The following PXN variants were observed in gnomAD, a reference collection of about 807,000 sequenced individuals.
PXN encodes the protein testicular tissue protein Li 134.
A neutral mutation model predicts 103.6 loss-of-function variants in PXN; 61 were observed. That is an observed-to-expected ratio of 0.59 (90% CI 0.48 to 0.73). The LOEUF is 0.73. PXN is among the 30% of genes least tolerant of loss of function. PXN has a pLI of 0.00. For missense variants in PXN, 1,274 were observed against 1,460.3 expected, an observed-to-expected ratio of 0.87 and a Z score of 2.08; for synonymous variants, 562 against 607.8, an observed-to-expected ratio of 0.92 and a Z score of 1.11.
Position 120,212,146 on chromosome 12 carries a change from G to A in PXN, c.*168C>T. On this transcript the variant is annotated 3_prime_UTR_variant, in exon 15 of 15. Coordinates refer to ENST00000637617, the MANE Select transcript of PXN (RefSeq NM_001385981.1). The surrounding 1 kb of genome is among the most constrained non-coding windows in gnomAD (Gnocchi z 7.2). The stretch of plus-strand genomic sequence containing the variant: ...GCCCAGAGGCTCTGGCAGGGGTGAA[G>A]ACAAGCAGGGGGACCCCTCACGGCC... 9.7e-7 allele frequency: 1 copy of A among 1,036,044 alleles called. No homozygotes were observed. The highest frequency in any genetic ancestry group is 1.4e-6 in the Non-Finnish European group (1 of 691,040). 64.2% of individuals were successfully genotyped at this position (1,036,044 alleles called of 1,614,324 possible). A position where few individuals can be genotyped will look rare whatever the true frequency, so the allele number is the denominator to read the frequency against.
chr12:120,222,732 G>A lies in PXN; in HGVS notation c.512C>T (p.Pro171Leu), dbSNP rs751530020. The A allele has an allele frequency of 1.2e-6, 2 of 1,607,200 alleles. No individual in the cohort carries two copies. Among genetic ancestry groups the A allele is most frequent in the Admixed American group, 3.4e-5 (2 of 58,636 alleles). The change falls in exon 5 of 15, where the codon CCC becomes CTC. Residue 171 changes from proline (P) to leucine (L), a missense_variant. Pro to Leu is a moderately conservative substitution (Grantham distance 98). Transcript: ENST00000637617. This position sits in a 1 kb window ranked among gnomAD's most constrained non-coding sequence, Gnocchi z 4.7. ...GFPADEANSS[P>L]PLPGALSPLY... The stretch of plus-strand genomic sequence containing the variant: ...GGGGCTCAGGGCCCCAGGAAGCGGG[G>A]GGCTTGAGTTGGCCTCATCTTGCAG...
chr12:120,238,632 A>G (rs1889569939), intron 1 of PXN, among the ~76,000 whole-genome samples: 1 of 152,252 alleles, frequency 6.6e-6, no homozygotes, highest in African/African-American at 2.4e-5. Flanking sequence ...CCCCATGTAC[A>G]CACGTGGAGC....
intron 1 of PXN, among the ~76,000 whole-genome samples, chr12:120,236,164 G>A (rs1888994650): frequency 6.6e-6 from 1 of 152,222 alleles, no homozygotes; most frequent in East Asian, 1.9e-4. Flanking sequence ...GGGCACAAGA[G>A]GGCTGCAGAG....
intron 1 of PXN, among the ~76,000 whole-genome samples, chr12:120,260,963 C>T (rs1198247716): frequency 2.6e-5 from 4 of 152,230 alleles, no homozygotes; most frequent in African/African-American, 4.8e-5. Flanking sequence ...TCCCGCTCAG[C>T]AGCCAGACCA....
rs1170697260 is a variant in PXN at position 120,229,045 on chromosome 12, G to A, written c.14-4668C>T. On this transcript the variant is annotated intron_variant, in intron 1 of 14. Transcript: ENST00000637617. This position sits in a 1 kb window ranked among gnomAD's most constrained non-coding sequence, Gnocchi z 4.0. ...CCTCAGCCCACTGCTCCGAGGAGGA[G>A]GGGACCGGTTCGCCTGCATTCCAGG... Among the ~76,000 whole-genome samples, 1 of 152,182 alleles carries A rather than the reference G, an allele frequency of 6.6e-6. No homozygotes were observed. The highest frequency in any genetic ancestry group is 2.4e-5 in the African/African-American group (1 of 41,440).
At chr12:120,259,848 C>T (rs1893591481) in intron 1 of PXN, among the ~76,000 whole-genome samples, 1 of 152,228 alleles carries the variant, frequency 6.6e-6, no homozygotes, top group Non-Finnish European at 1.5e-5. Context: ...GCTTTGTGAA[C>T]ATTTCTGAGA....
rs1418437398 is a variant in PXN, at chr12:120,213,303, T to G, written c.2979+539A>C. ...GCTGAGGCGGGAGAATCACTGGAAC[T>G]CAGCAGGCAGAGGTTGCAGTCAGCC... On this transcript the variant is annotated intron_variant, in intron 14 of 14. Transcript: ENST00000637617. This position sits in a 1 kb window ranked among gnomAD's most constrained non-coding sequence, Gnocchi z 4.2. Among the ~76,000 whole-genome samples the G allele has an allele frequency of 6.6e-6, 1 of 152,058 alleles. No homozygotes were observed. Among genetic ancestry groups the G allele is most frequent in the East Asian group, 1.9e-4 (1 of 5,174 alleles).
Position 120,224,199 on chromosome 12 carries a change from G to A in PXN, c.192C>T (p.Asp64=). ...SSEALNGTIL[D]PLDQWQPSSS... is the part of the protein sequence containing the mutation. ...TGCTGGGCTGCCACTGGTCTAAGGG[G>A]TCAAGGATTGTGCCATTGAGGGCCT... Residue 64 remains aspartate, a synonymous_variant, in exon 2 of 15, where the codon GAC becomes GAT. Transcript: ENST00000637617. The surrounding 1 kb of genome is among the most constrained non-coding windows in gnomAD (Gnocchi z 5.0). The A allele has an allele frequency of 6.2e-7, 1 of 1,610,092 alleles. No homozygotes were observed. The highest frequency in any genetic ancestry group is 2.2e-5 in the East Asian group (1 of 44,760).
chr12:120,219,438 C>T lies in PXN; in HGVS notation c.1485G>A (p.Glu495=). The stretch of plus-strand genomic sequence containing the variant: ...GGGAGCTGCTTCCCAGCCTCCCTGG[C>T]TCTGGCCTTGGCCTCTCCTGCTGTA... ...HGLQQERPRP[E]PGRLGSSSPA... is the part of the protein sequence containing the mutation. Residue 495 remains glutamate (E), a synonymous_variant, in exon 7 of 15, where the codon GAG becomes GAA. Coordinates refer to ENST00000637617, the MANE Select transcript of PXN (RefSeq NM_001385981.1). This position sits in a 1 kb window ranked among gnomAD's most constrained non-coding sequence, Gnocchi z 6.5. The T allele has an allele frequency of 6.3e-7, 1 of 1,598,166 alleles. No individual in the cohort carries two copies. Among genetic ancestry groups the T allele is most frequent in the Non-Finnish European group, 8.5e-7 (1 of 1,179,580 alleles).
intron 1 of PXN, among the ~76,000 whole-genome samples, chr12:120,236,672 T>A (rs984583241): frequency 2.0e-5 from 3 of 152,066 alleles, no homozygotes; most frequent in Non-Finnish European, 4.4e-5. Context: ...AGACAAGGTT[T>A]CACCATCTTG....
At position 120,265,557 on chromosome 12, in the gene PXN, C is replaced by A; in HGVS notation, c.13+60G>T. 6.8e-7 allele frequency: 1 copy of A among 1,473,358 alleles called. No individual in the cohort carries two copies. The highest frequency in any genetic ancestry group is 1.3e-5 in the South Asian group (1 of 77,758). 91.3% of individuals were successfully genotyped at this position (1,473,358 alleles called of 1,614,324 possible). On this transcript the variant is annotated intron_variant, in intron 1 of 14. Coordinates refer to ENST00000637617, the MANE Select transcript of PXN (RefSeq NM_001385981.1). This position sits in a 1 kb window ranked among gnomAD's most constrained non-coding sequence, Gnocchi z 5.7. ...GCGGCCCCTGCCGCTCGCTGGCGCC[C>A]TCCTGGCCCCAAGCTGCGCGCCTCT...
chr12:120,224,653 C>T lies in PXN; in HGVS notation c.14-276G>A, dbSNP rs1442611284. ...TGTGGGATCTCCTACCTCTGGGAGT[C>T]AGGCACCTGGCACTGCGTTCCCTCC... On this transcript the variant is annotated intron_variant, in intron 1 of 14. Transcript: ENST00000637617. This position sits in a 1 kb window ranked among gnomAD's most constrained non-coding sequence, Gnocchi z 5.0. The T allele has an allele frequency of 1.5e-6, 1 of 658,464 alleles. No homozygotes were observed. Among genetic ancestry groups the T allele is most frequent in the Non-Finnish European group, 2.8e-6 (1 of 357,294 alleles). The allele number at this position is 658,464 out of a possible 1,614,324, so 40.8% of individuals were successfully genotyped here.
chr12:120,219,538 GT>G lies in PXN; in HGVS notation c.1384del (p.Thr462GlnfsTer5). 6.3e-7 allele frequency: 1 copy of G among 1,589,184 alleles called. No homozygotes were observed. The highest frequency in any genetic ancestry group is 2.2e-5 in the East Asian group (1 of 44,502). The part of the protein sequence containing the change: ...SGAARSFQEV[T>X]EPAVVAVDRQ... ...GTCCACTGCCACTACAGCTGGCTCT[GT>G]TACTTCTTGGAAGCTTCGAGCAGCT... is the stretch of plus-strand genomic sequence containing the variant. On this transcript the variant is annotated frameshift_variant, in exon 7 of 15. Transcript: ENST00000637617. LOFTEE classifies it high-confidence loss of function. This position sits in a 1 kb window ranked among gnomAD's most constrained non-coding sequence, Gnocchi z 6.5.
rs568565548 is a variant in PXN at position 120,254,693 on chromosome 12, G to C, written c.13+10924C>G. ...AGCCTCCCAAATAGCTGGAATTACA[G>C]GCACGTGCCACCACGCCCAGCTAAT... On this transcript the variant is annotated intron_variant, in intron 1 of 14. Coordinates refer to ENST00000637617, the MANE Select transcript of PXN (RefSeq NM_001385981.1). Among the ~76,000 whole-genome samples the C allele has an allele frequency of 3.3e-5, 5 of 152,166 alleles. No individual in the cohort carries two copies. In the South Asian group the frequency reaches 1.0e-3, roughly 32 times the overall value.
Position 120,224,610 on chromosome 12 carries a change from C to A in PXN, c.14-233G>T, listed in dbSNP as rs542366461. 2.6e-5 allele frequency: 18 copies of A among 689,506 alleles called. No homozygotes were observed. The highest frequency in any genetic ancestry group is 2.6e-4 in the South Asian group (17 of 66,608). The allele number at this position is 689,506 out of a possible 1,614,324, so 42.7% of individuals were successfully genotyped here. On this transcript the variant is annotated intron_variant, in intron 1 of 14. Transcript: ENST00000637617. This position sits in a 1 kb window ranked among gnomAD's most constrained non-coding sequence, Gnocchi z 5.0. The stretch of plus-strand genomic sequence containing the variant: ...CCCAGGACTGAAAGTGCTCTAGAGG[C>A]GGGCTCTGGGGCTGCCCTGTGGGAT...
At chr12:120,258,256 A>G (rs1893331259) in intron 1 of PXN, among the ~76,000 whole-genome samples, 1 of 152,056 alleles carries the variant, frequency 6.6e-6, no homozygotes, top group Non-Finnish European at 1.5e-5. Flanking sequence ...TCAAACTCCA[A>G]CCAGAGTTCG....
At chr12:120,262,597 G>A (rs1053558423) in intron 1 of PXN, among the ~76,000 whole-genome samples, 1 of 152,128 alleles carries the variant, frequency 6.6e-6, no homozygotes, top group Non-Finnish European at 1.5e-5. Context: ...GATACAGCTC[G>A]TAAAGTGCTG....
intron 1 of PXN, among the ~76,000 whole-genome samples, chr12:120,255,138 C>T (rs990388328): frequency 2.0e-5 from 3 of 152,156 alleles, no homozygotes; most frequent in Admixed American, 2.0e-4. Flanking sequence ...GTCACCAGCA[C>T]ACAGGTTATA....
rs2136775225 is a variant in PXN at position 120,265,608 on chromosome 12, C to T, written c.13+9G>A. 1 of 1,486,920 alleles carries T rather than the reference C, an allele frequency of 6.7e-7. No homozygotes were observed. The allele number at this position is 1,486,920 out of a possible 1,614,324, so 92.1% of individuals were successfully genotyped here. A position where few individuals can be genotyped will look rare whatever the true frequency, so the allele number is the denominator to read the frequency against. On this transcript the variant is annotated intron_variant, in intron 1 of 14. Coordinates refer to ENST00000637617, the MANE Select transcript of PXN (RefSeq NM_001385981.1). The surrounding 1 kb of genome is among the most constrained non-coding windows in gnomAD (Gnocchi z 5.7). ...CGCCTCCTCCTCCCTCGGCCTCCCGCTCACTCACCGAGGTCGTCCATGGCC... is the reference window on the plus strand; with the variant it reads ...CGCCTCCTCCTCCCTCGGCCTCCCGTTCACTCACCGAGGTCGTCCATGGCC...
Sources: gnomAD v4.1 joint callset for allele counts (sites outside exome capture counted in the v4.1 genomes callset) on GRCh38, gnomAD v4.1.1 for gene constraint, Gnocchi (gnomAD v3.1) non-coding constraint, MANE v1.5 for transcripts, NCBI Gene and HGNC (gene_info 2026-07-23, HGNC 2026-07-21) for gene names.